CCDC60: variants seen among roughly 807,000 people sequenced by gnomAD.
CCDC60 encodes the protein coiled-coil domain-containing protein 60.
A neutral mutation model predicts 63.5 loss-of-function variants in CCDC60; 54 were observed. That is an observed-to-expected ratio of 0.85 (90% CI 0.68 to 1.07). The LOEUF is 1.07. Among genes scored for constraint, CCDC60 ranks in the 50% least tolerant of loss-of-function variants. CCDC60 has a pLI of 0.00. For missense variants in CCDC60, 651 were observed against 684.3 expected, an observed-to-expected ratio of 0.95 and a Z score of 0.54; for synonymous variants, 206 against 238.8, an observed-to-expected ratio of 0.86 and a Z score of 1.27.
At chr12:119,487,979 T>C (rs1951494862) in intron 4 of CCDC60, among the ~76,000 whole-genome samples, 1 of 152,074 alleles carries the variant, frequency 6.6e-6, no homozygotes, top group African/African-American at 2.4e-5. Context: ...GTAGCAGGGA[T>C]CACAGGTGCA....
chr12:119,344,855 T>TCTCTCTCACACA (rs1232194303), intron 1 of CCDC60, among the ~76,000 whole-genome samples: 1 of 114,798 alleles, frequency 8.7e-6, no homozygotes, highest in East Asian at 3.2e-4. Flanking sequence ...TCTCTCTCTC[T>TCTCTCTCACACA]CACACACACA....
At position 119,522,972 on chromosome 12, in the gene CCDC60, C is replaced by A. The variant is rs1161623867; in HGVS notation, c.1074C>A (p.His358Gln). The change falls in exon 10 of 14, where the codon CAC becomes CAA. Residue 358 changes from histidine to glutamine, a missense_variant. By Grantham distance (24) the His-to-Gln change is conservative. Transcript: ENST00000327554. ...ERSSSTSAESHIQPVQKKSKN... is the reference protein window; with the variant it reads ...ERSSSTSAESQIQPVQKKSKN... Reference sequence around the variant, plus strand: ...CCAGCAGTACAAGTGCAGAAAGCCACATCCAACCAGTCCAGAAGAAGTCTA... The same window carrying A: ...CCAGCAGTACAAGTGCAGAAAGCCAAATCCAACCAGTCCAGAAGAAGTCTA... 5 of 1,614,194 alleles carry A rather than the reference C, an allele frequency of 3.1e-6. No individual in the cohort carries two copies. Among genetic ancestry groups the A allele is most frequent in the Non-Finnish European group, 4.2e-6 (5 of 1,180,016 alleles).
intron 1 of CCDC60, chr12:119,402,203 C>A (rs1371318009): frequency 6.6e-6 from 1 of 152,186 alleles, no homozygotes; most frequent in African/African-American, 2.4e-5. Context: ...TCTCACCTTG[C>A]ACACAAGGAA....
chr12:119,487,649 T>A (rs143425315), intron 4 of CCDC60, among the ~76,000 whole-genome samples: 2 of 151,628 alleles, frequency 1.3e-5, no homozygotes, highest in Non-Finnish European at 2.9e-5. Context: ...ACCAACAGGC[T>A]CTGTGACCTT....
At chr12:119,501,266 G>A (rs1951844173) in intron 6 of CCDC60, among the ~76,000 whole-genome samples, 3 of 152,166 alleles carry the variant, frequency 2.0e-5, no homozygotes, top group South Asian at 4.1e-4. Flanking sequence ...CAACATAATT[G>A]TAAATGGGCT....
At chr12:119,338,993 T>C (rs1025209058) in intron 1 of CCDC60, among the ~76,000 whole-genome samples, 6 of 152,234 alleles carry the variant, frequency 3.9e-5, no homozygotes, top group Admixed American at 3.3e-4. Context: ...AGGCTCTTCA[T>C]GGTTTTTGTT....
At chr12:119,481,508 G>A (rs1951317598) in intron 4 of CCDC60, among the ~76,000 whole-genome samples, 1 of 152,164 alleles carries the variant, frequency 6.6e-6, no homozygotes, top group African/African-American at 2.4e-5. Flanking sequence ...GCTATGAAGA[G>A]AGTTTCTTAC....
rs1464239912 is a variant in CCDC60, at chr12:119,420,676, T to C, written c.91-8007T>C. Among the ~76,000 whole-genome samples, 7 of 152,108 alleles carry C rather than the reference T, an allele frequency of 4.6e-5. No homozygotes were observed. Among genetic ancestry groups the C allele is most frequent in the African/African-American group, 1.7e-4 (7 of 41,416 alleles). On this transcript the variant is annotated intron_variant, in intron 1 of 13. Coordinates refer to ENST00000327554, the MANE Select transcript of CCDC60 (RefSeq NM_178499.5). The surrounding 1 kb of genome is among the most constrained non-coding windows in gnomAD (Gnocchi z 4.1). ...TGATAGCACAACAGGTTGACTATAG[T>C]CAATAATAACTCACTTTTTAAATGA...
At position 119,420,951 on chromosome 12, in the gene CCDC60, C is replaced by T. The variant is rs1956801080; in HGVS notation, c.91-7732C>T. Reference sequence around the variant, plus strand: ...TGTGTGTACTCCTGCCATGATCCCGCCTACTCTGTTCTTTACAGCTTCTCC... The same window carrying T: ...TGTGTGTACTCCTGCCATGATCCCGTCTACTCTGTTCTTTACAGCTTCTCC... On this transcript the variant is annotated intron_variant, in intron 1 of 13. Transcript: ENST00000327554. The surrounding 1 kb of genome is among the most constrained non-coding windows in gnomAD (Gnocchi z 4.1). Among the ~76,000 whole-genome samples, 1 of 152,174 alleles carries T rather than the reference C, an allele frequency of 6.6e-6. No homozygotes were observed. The highest frequency in any genetic ancestry group is 1.5e-5 in the Non-Finnish European group (1 of 68,044).
At chr12:119,424,291 C>T (rs1225856317) in intron 1 of CCDC60, among the ~76,000 whole-genome samples, 1 of 152,182 alleles carries the variant, frequency 6.6e-6, no homozygotes, top group Non-Finnish European at 1.5e-5. Flanking sequence ...GCATTTTCAT[C>T]TGAAATTACA....
chr12:119,470,255 A>G (rs1301172890), intron 2 of CCDC60, among the ~76,000 whole-genome samples: 1 of 152,180 alleles, frequency 6.6e-6, no homozygotes, highest in Admixed American at 6.5e-5. Context: ...AGGTTCCTAT[A>G]GCCCTTTGGT....
intron 11 of CCDC60, chr12:119,524,463 C>T (rs1224313183): frequency 8.1e-6 from 8 of 984,316 alleles, no homozygotes; most frequent in Non-Finnish European, 4.8e-6. Context: ...CATCATAGCC[C>T]GTTGCACTCT....
chr12:119,357,595 C>T (rs1173827835), intron 1 of CCDC60, among the ~76,000 whole-genome samples: 3 of 152,154 alleles, frequency 2.0e-5, no homozygotes, highest in Non-Finnish European at 2.9e-5. Context: ...GCTGGGATTA[C>T]AGGCATGTGC....
chr12:119,441,589 T>C (rs2136261058), intron 2 of CCDC60, among the ~76,000 whole-genome samples: 1 of 152,362 alleles, frequency 6.6e-6, no homozygotes, highest in African/African-American at 2.4e-5. Context: ...TCCTGACTTC[T>C]AACATTTAGA....
At chr12:119,532,440 C>CT (rs1362851651) in intron 13 of CCDC60, among the ~76,000 whole-genome samples, 3 of 106,268 alleles carry the variant, frequency 2.8e-5, no homozygotes, top group African/African-American at 7.0e-5. Context: ...TATCATTATA[C>CT]TTTAAGTTCT....
intron 2 of CCDC60, among the ~76,000 whole-genome samples, chr12:119,446,166 CA>C (rs575712956): frequency 6.0e-5 from 9 of 149,614 alleles, no homozygotes; most frequent in African/African-American, 2.0e-4. Flanking sequence ...AAGACAGTCT[CA>C]AAAAAAAAGC....
chr12:119,507,742 G>T (rs1402014138), intron 7 of CCDC60, among the ~76,000 whole-genome samples: 2 of 149,658 alleles, frequency 1.3e-5, no homozygotes, highest in African/African-American at 4.9e-5. Context: ...CAGCTTCCTG[G>T]CCACTTACGG....
intron 2 of CCDC60, among the ~76,000 whole-genome samples, chr12:119,457,380 A>G (rs182888868): frequency 9.8e-5 from 15 of 152,360 alleles, no homozygotes; most frequent in South Asian, 4.1e-4. Context: ...CAGAAAGGAG[A>G]GAAATCCATC....
intron 9 of CCDC60, among the ~76,000 whole-genome samples, 159 bp from the exon 10 acceptor site, chr12:119,522,780 G>A (rs1046794625): frequency 5.9e-5 from 9 of 152,158 alleles, no homozygotes; most frequent in African/African-American, 2.2e-4. Flanking sequence ...AAGGCCAAGA[G>A]GTGGGAAGAA....
Sources: allele counts gnomAD v4.1 joint callset (sites outside exome capture counted in the v4.1 genomes callset), GRCh38; gene constraint gnomAD v4.1.1; non-coding constraint Gnocchi (gnomAD v3.1); transcripts MANE v1.5; gene names NCBI Gene and HGNC (gene_info 2026-07-23, HGNC 2026-07-21).